CCDC82: variants seen among roughly 807,000 people sequenced by gnomAD.
CCDC82 encodes coiled-coil domain-containing protein 82.
CCDC82 carries 47 observed loss-of-function variants against 60.6 expected under a neutral mutation model. That is an observed-to-expected ratio of 0.77 (90% CI 0.61 to 0.99). The LOEUF is 0.99. Ranked by LOEUF, CCDC82 falls within the 50% of genes least tolerant of loss-of-function variation. The probability of loss-of-function intolerance (pLI) is 0.00; values close to 1 mark genes in which losing one functional copy is unlikely to be tolerated. For synonymous variants in CCDC82, 212 were observed against 207.4 expected (o/e 1.02, Z -0.19); for missense variants, 588 against 633.0 (o/e 0.93, Z 0.76).
chr11:96,389,511 C>T (rs1191853348), intron 1 of CCDC82: 2 of 152,526 alleles, frequency 1.3e-5, no homozygotes, highest in East Asian at 3.9e-4. Flanking sequence ...AACCCCCAGA[C>T]CCCAAAAGAG....
chr11:96,377,357 T>C (rs1245449776), intron 5 of CCDC82, among the ~76,000 whole-genome samples: 1 of 149,454 alleles, frequency 6.7e-6, no homozygotes, highest in African/African-American at 2.5e-5. Context: ...GTGTACATAA[T>C]ACACACACAC....
intron 3 of CCDC82, chr11:96,385,067 CAT>C (rs1284903996): frequency 1.6e-5 from 3 of 185,052 alleles, no homozygotes; most frequent in East Asian, 1.4e-4. Context: ...ATATCTAAAA[CAT>C]ATAATAATTA....
At chr11:96,363,491 C>T (rs1864781667) in intron 8 of CCDC82, 1 of 152,164 alleles carries the variant, frequency 6.6e-6, no homozygotes, top group African/African-American at 2.4e-5. Context: ...GTTATATACG[C>T]ATACACACAT....
intron 9 of CCDC82, chr11:96,357,671 A>C: frequency 1.0e-6 from 1 of 984,946 alleles, no homozygotes; most frequent in Non-Finnish European, 1.2e-6. Flanking sequence ...CTAGTATCTA[A>C]TTCTTTATAA....
In CCDC82 at chr11:96,359,178, C is replaced by A; in HGVS notation, c.1381G>T (p.Val461Leu). The A allele has an allele frequency of 6.4e-7, 1 of 1,555,112 alleles. No homozygotes were observed. The change falls in exon 9 of 10, where the codon GTG becomes TTG. Residue 461 changes from valine (V) to leucine (L), a missense_variant and splice_region_variant. Coordinates refer to ENST00000646818, the MANE Select transcript of CCDC82 (RefSeq NM_024725.4). ...IDNFMSHDKQ[V>L]FTVGRICASR... ...GCACAAATTCTGCCAACAGTGAACA[C>A]CTAAATCAAGAAATAAAGATTGTTA...
intron 5 of CCDC82, among the ~76,000 whole-genome samples, chr11:96,379,044 G>C (rs1865733007): frequency 6.6e-6 from 1 of 151,930 alleles, no homozygotes; most frequent in African/African-American, 2.4e-5. Flanking sequence ...TGAATTTAGA[G>C]TTAGGAGATT....
Position 96,383,316 on chromosome 11 carries a change from T to G in CCDC82, c.944A>C (p.Glu315Ala), listed in dbSNP as rs1285819762. The change falls in exon 5 of 10, where the codon GAA becomes GCA. Residue 315 changes from glutamate to alanine, a missense_variant. Transcript: ENST00000646818. ...TTTCAGTTGTGATGTAGTCAATTTT[T>G]CTCCTTGTTGGTTTTTATTCTCTTC... ...GDEENKNQQG[E>A]KLTTSQLKLV... 1 of 1,607,984 alleles carries G rather than the reference T, an allele frequency of 6.2e-7. No homozygotes were observed. Among genetic ancestry groups the G allele is most frequent in the Admixed American group, 1.7e-5 (1 of 59,722 alleles).
chr11:96,368,690 C>T (rs1339341820), intron 7 of CCDC82, among the ~76,000 whole-genome samples: 4 of 151,858 alleles, frequency 2.6e-5, no homozygotes, highest in Non-Finnish European at 4.4e-5. Context: ...GATGGCGAAA[C>T]CCCGTCTCTA....
chr11:96,354,046 C>G (rs183057419), intron 9 of CCDC82: 2 of 193,200 alleles, frequency 1.0e-5, no homozygotes, highest in African/African-American at 4.7e-5. Context: ...ACATATATAT[C>G]AAAGGCTCTG....
chr11:96,387,425 G>C (rs985396647), intron 2 of CCDC82, 105 bp downstream of exon 2: 4 of 152,216 alleles, frequency 2.6e-5, no homozygotes, highest in Non-Finnish European at 5.9e-5. Context: ...AGTTTTTAGT[G>C]CATTTTCACA....
At chr11:96,358,345 T>C (rs1251415459) in intron 9 of CCDC82, 1 of 1,212,458 alleles carries the variant, frequency 8.2e-7, no homozygotes, top group Non-Finnish European at 1.0e-6. Context: ...GACCAGAGCT[T>C]GTAAGCTGCC....
rs573793377 is a variant in CCDC82 at position 96,357,285 on chromosome 11, A to T, written c.1566+1708T>A. On this transcript the variant is annotated intron_variant, in intron 9 of 9. Coordinates refer to ENST00000646818, the MANE Select transcript of CCDC82 (RefSeq NM_024725.4). ...ACCTAGGAACAAATTTTTTAAGTGGAGAAATCTCAAAAAAATGAAGGTCTT... is the reference window on the plus strand; with the variant it reads ...ACCTAGGAACAAATTTTTTAAGTGGTGAAATCTCAAAAAAATGAAGGTCTT... 1.8e-5 allele frequency: 18 copies of T among 985,416 alleles called. No homozygotes were observed. The South Asian group carries it at 6.6e-4, about 36-fold the overall frequency. The allele number at this position is 985,416 out of a possible 1,614,324, so 61.0% of individuals were successfully genotyped here. A position where few individuals can be genotyped will look rare whatever the true frequency, so the allele number is the denominator to read the frequency against.
intron 6 of CCDC82, 22 bp downstream of exon 6, chr11:96,373,353 T>A: frequency 5.7e-6 from 8 of 1,406,124 alleles, no homozygotes; most frequent in Non-Finnish European, 6.9e-6. Context: ...AACCAATTGT[T>A]TCATTCATAG....
chr11:96,356,575 C>T (rs762304372), intron 9 of CCDC82: 7 of 984,724 alleles, frequency 7.1e-6, no homozygotes, highest in Admixed American at 1.2e-4. Context: ...AACAAATATT[C>T]GTTAGAATTT....
chr11:96,389,465 G>C (rs1866416521), intron 1 of CCDC82: 2 of 152,386 alleles, frequency 1.3e-5, no homozygotes, highest in South Asian at 4.1e-4. Flanking sequence ...CGGACCCTCA[G>C]GCCAAGCTTC....
intron 5 of CCDC82, among the ~76,000 whole-genome samples, chr11:96,380,061 G>T (rs371818185): frequency 6.6e-6 from 1 of 151,750 alleles, no homozygotes; most frequent in Non-Finnish European, 1.5e-5. Flanking sequence ...GTGGTCAATG[G>T]TAGTAAAGTA....
At chr11:96,369,328 G>C (rs1232287172) in intron 7 of CCDC82, among the ~76,000 whole-genome samples, 1 of 152,210 alleles carries the variant, frequency 6.6e-6, no homozygotes, top group East Asian at 1.9e-4. Context: ...AAGAGCAAGA[G>C]GCTTACATTT....
chr11:96,369,903 T>C (rs991694046), intron 7 of CCDC82, among the ~76,000 whole-genome samples: 1 of 152,252 alleles, frequency 6.6e-6, no homozygotes, highest in East Asian at 1.9e-4. Context: ...TGCCATGTTC[T>C]AAAAGCTGTG....
At chr11:96,362,293 T>TA (rs1277989009) in intron 8 of CCDC82, among the ~76,000 whole-genome samples, 2 of 152,218 alleles carry the variant, frequency 1.3e-5, no homozygotes, top group East Asian at 3.8e-4. Context: ...TTATGGAAGT[T>TA]AAAGTATGAA....
Sources: gnomAD v4.1 joint callset for allele counts (sites outside exome capture counted in the v4.1 genomes callset) on GRCh38, gnomAD v4.1.1 for gene constraint, MANE v1.5 for transcripts, NCBI Gene and HGNC (gene_info 2026-07-23, HGNC 2026-07-21) for gene names.